Variants in FMNL3 observed in about 807,000 individuals in gnomAD.
FMNL3 encodes the protein formin-like protein 3.
FMNL3 carries 57 observed loss-of-function variants against 119.6 expected under a neutral mutation model. That is an observed-to-expected ratio of 0.48 (90% confidence interval 0.39 to 0.59). The LOEUF is 0.59. FMNL3 is among the 20% of genes least tolerant of loss of function. The pLI, the probability that FMNL3 is intolerant of heterozygous loss-of-function variation, is 0.00. For synonymous variants in FMNL3, 491 were observed against 507.3 expected (o/e 0.97, Z 0.43); for missense variants, 1,053 against 1,323.5 (o/e 0.80, Z 3.17).
Position 49,637,433 on chromosome 12 carries a change from G to A in FMNL3, c.*8382C>T, listed in dbSNP as rs761736429. The A allele has an allele frequency of 2.0e-6, 3 of 1,467,572 alleles. No homozygotes were observed. The highest frequency in any genetic ancestry group is 3.4e-5 in the Admixed American group (2 of 59,502). The allele number at this position is 1,467,572 out of a possible 1,614,324, so 90.9% of individuals were successfully genotyped here. ...CCTCAGTCTGTGGCTCTGCCTCCCT[G>A]TCTCACTCTCCCTATAACTGGCCTC... On this transcript the variant is annotated 3_prime_UTR_variant, in exon 26 of 26. Coordinates refer to ENST00000335154, the MANE Select transcript of FMNL3 (RefSeq NM_175736.5).
intron 1 of FMNL3, chr12:49,688,559 C>A: frequency 2.2e-6 from 1 of 455,718 alleles, no homozygotes; most frequent in Non-Finnish European, 4.4e-6. Context: ...AAAAGTTGTT[C>A]TCTTCCTAGA....
In FMNL3 at chr12:49,643,884, C is replaced by A. The variant is rs532107587; in HGVS notation, c.*1931G>T. On this transcript the variant is annotated 3_prime_UTR_variant, in exon 26 of 26. Coordinates refer to ENST00000335154, the MANE Select transcript of FMNL3 (RefSeq NM_175736.5). ...AGAATAGTCCTGAGAGTGAGACAGA[C>A]CCTGAGGAGAAAGCTGGCAAGGAGA... 9.9e-5 allele frequency: 160 copies of A among 1,614,070 alleles called. 1 individual carries two copies. In the South Asian group the frequency reaches 1.7e-3, roughly 17 times the overall value.
chr12:49,665,552 T>A (rs567820325), intron 4 of FMNL3, among the ~76,000 whole-genome samples: 192 of 152,298 alleles, frequency 1.3e-3, no homozygotes, highest in African/African-American at 3.2e-3. Flanking sequence ...TCTCAACTGC[T>A]GTGGGAATGT....
chr12:49,657,317 T>C (rs1943602928), intron 6 of FMNL3, 127 bp from the exon 7 acceptor site: 2 of 672,428 alleles, frequency 3.0e-6, no homozygotes, highest in Non-Finnish European at 5.2e-6. Flanking sequence ...TAGCACCTCG[T>C]ACCAACAGCC....
rs560630912 is a variant in FMNL3, at chr12:49,660,823, T to A, written c.452+1143A>T. Among the ~76,000 whole-genome samples the A allele has an allele frequency of 2.2e-4, 34 of 152,308 alleles. 1 individual carries two copies. The South Asian group carries it at 7.0e-3, about 32-fold the overall frequency. ...AAACACACAAAAAGTTAGCTAAGCATGGTGGTATACACCTGTGGTCCCAGC... is the reference window on the plus strand; with the variant it reads ...AAACACACAAAAAGTTAGCTAAGCAAGGTGGTATACACCTGTGGTCCCAGC... On this transcript the variant is annotated intron_variant, in intron 5 of 25. Transcript: ENST00000335154.
At chr12:49,656,592 GA>G in intron 8 of FMNL3, 95 bp from the exon 9 acceptor site, 1 of 1,180,894 alleles carries the variant, frequency 8.5e-7, no homozygotes, top group South Asian at 1.4e-5. Context: ...TTGGAGAGTG[GA>G]GAAAGCCTCA....
At chr12:49,669,716 C>T (rs1592667604) in intron 1 of FMNL3, among the ~76,000 whole-genome samples, 1 of 152,256 alleles carries the variant, frequency 6.6e-6, no homozygotes, top group East Asian at 1.9e-4. Flanking sequence ...CCTGTAATCC[C>T]AGCTACTCAG....
intron 4 of FMNL3, among the ~76,000 whole-genome samples, chr12:49,663,177 T>C (rs1943788996): frequency 6.6e-6 from 1 of 152,222 alleles, no homozygotes; most frequent in Non-Finnish European, 1.5e-5. Context: ...GTTTCCTGTC[T>C]GTCTGCTCTC....
intron 1 of FMNL3, among the ~76,000 whole-genome samples, chr12:49,670,845 C>T (rs1380768582): frequency 6.6e-6 from 1 of 152,208 alleles, no homozygotes; most frequent in Non-Finnish European, 1.5e-5. Context: ...AAAACAAGGA[C>T]TCAAGGTCAA....
intron 1 of FMNL3, among the ~76,000 whole-genome samples, chr12:49,698,518 C>T (rs1407979327): frequency 7.4e-6 from 1 of 135,278 alleles, no homozygotes; most frequent in African/African-American, 3.4e-5. Flanking sequence ...TACTGCTCCC[C>T]ACCCCCAAAA....
Position 49,643,709 on chromosome 12 carries a change from C to G in FMNL3, c.*2106G>C. 1 of 1,614,082 alleles carries G rather than the reference C, an allele frequency of 6.2e-7. No homozygotes were observed. Among genetic ancestry groups the G allele is most frequent in the African/African-American group, 1.3e-5 (1 of 75,020 alleles). ...TCTCTAGATCATGGCCTTCGGAAAG[C>G]CAAGAAACCAAAAAAGAAAACTAAG... On this transcript the variant is annotated 3_prime_UTR_variant, in exon 26 of 26. Coordinates refer to ENST00000335154, the MANE Select transcript of FMNL3 (RefSeq NM_175736.5).
chr12:49,647,053 A>C lies in FMNL3; in HGVS notation c.2872-44T>G. 1 of 1,612,474 alleles carries C rather than the reference A, an allele frequency of 6.2e-7. No individual in the cohort carries two copies. Among genetic ancestry groups the C allele is most frequent in the Non-Finnish European group, 8.5e-7 (1 of 1,178,958 alleles). On this transcript the variant is annotated intron_variant, in intron 24 of 25. Coordinates refer to ENST00000335154, the MANE Select transcript of FMNL3 (RefSeq NM_175736.5). This position sits in a 1 kb window ranked among gnomAD's most constrained non-coding sequence, Gnocchi z 4.9. The stretch of plus-strand genomic sequence containing the variant: ...AGGGGAAGGAAGTCATCACTAACCT[A>C]ATGTGGGACTGGTTCCTGCCCCAAG...
At chr12:49,648,871 C>T (rs1943299734) in intron 21 of FMNL3, among the ~76,000 whole-genome samples, 158 bp downstream of exon 21, 1 of 152,196 alleles carries the variant, frequency 6.6e-6, no homozygotes, top group Non-Finnish European at 1.5e-5. Context: ...TCTGGAGTGG[C>T]CCCTGCTTAA....
chr12:49,689,221 C>G (rs1469771813), intron 1 of FMNL3, among the ~76,000 whole-genome samples: 1 of 152,218 alleles, frequency 6.6e-6, no homozygotes, highest in Non-Finnish European at 1.5e-5. Context: ...TTGAAGACTT[C>G]TGCAGTTCAA....
In FMNL3 at chr12:49,637,545, A is replaced by G. The variant is rs1478239934; in HGVS notation, c.*8270T>C. The G allele has an allele frequency of 6.2e-7, 1 of 1,613,902 alleles. No homozygotes were observed. Among genetic ancestry groups the G allele is most frequent in the Non-Finnish European group, 8.5e-7 (1 of 1,180,020 alleles). On this transcript the variant is annotated 3_prime_UTR_variant, in exon 26 of 26. Coordinates refer to ENST00000335154, the MANE Select transcript of FMNL3 (RefSeq NM_175736.5). The stretch of plus-strand genomic sequence containing the variant: ...CTGGATGGAGCTATATCCAGCAGTC[A>G]GCACTGATGTCCGCTTTGCCAACAT...
Position 49,647,100 on chromosome 12 carries a change from G to A in FMNL3, c.2872-91C>T. On this transcript the variant is annotated intron_variant, in intron 24 of 25. Coordinates refer to ENST00000335154, the MANE Select transcript of FMNL3 (RefSeq NM_175736.5). This position sits in a 1 kb window ranked among gnomAD's most constrained non-coding sequence, Gnocchi z 4.9. Reference sequence around the variant, plus strand: ...CAAGGTGCAGTCTGAGGATGCCACTGCTTGTGCACTGCTAGGAATCCCCAA... The same window carrying A: ...CAAGGTGCAGTCTGAGGATGCCACTACTTGTGCACTGCTAGGAATCCCCAA... 1.3e-6 allele frequency: 2 copies of A among 1,590,862 alleles called. No individual in the cohort carries two copies. Among genetic ancestry groups the A allele is most frequent in the Non-Finnish European group, 1.7e-6 (2 of 1,164,662 alleles).
intron 1 of FMNL3, among the ~76,000 whole-genome samples, chr12:49,693,798 A>G (rs142542740): frequency 0.024 from 3,671 of 151,116 alleles, 135 homozygotes; most frequent in African/African-American, 0.081. Flanking sequence ...ACAGGCACGC[A>G]CCACCACACC....
At chr12:49,656,922 A>AG (rs779887724) in intron 7 of FMNL3, 23 bp from the exon 8 acceptor site, 30 of 1,606,504 alleles carry the variant, frequency 1.9e-5, no homozygotes, top group Middle Eastern at 3.3e-4. Flanking sequence ...GGACAGAAGG[A>AG]GGGGACCTTG....
intron 22 of FMNL3, 52 bp downstream of exon 22, chr12:49,648,141 G>A (rs1338589701): frequency 6.4e-7 from 1 of 1,554,182 alleles, no homozygotes; most frequent in Admixed American, 2.1e-5. Context: ...CCACCTAGAG[G>A]GGCCTGGTGC....
Sources: allele counts gnomAD v4.1 joint callset (sites outside exome capture counted in the v4.1 genomes callset), GRCh38; gene constraint gnomAD v4.1.1; non-coding constraint Gnocchi (gnomAD v3.1); transcripts MANE v1.5; gene names NCBI Gene and HGNC (gene_info 2026-07-23, HGNC 2026-07-21).